The following SLCO1A2 variants were observed in gnomAD, a reference collection of about 807,000 sequenced individuals.
SLCO1A2 encodes the protein OATP-1.
SLCO1A2 carries 67 observed loss-of-function variants against 69.0 expected under a neutral mutation model. The ratio of observed to expected loss-of-function variants is 0.97; its 90% CI spans 0.80 to 1.19. The LOEUF is 1.19. SLCO1A2 is among the 50% of genes most tolerant of loss of function. SLCO1A2 has a pLI of 0.00. For missense variants in SLCO1A2, 787 were observed against 793.7 expected (o/e 0.99, Z 0.10); for synonymous variants, 260 against 265.9 (o/e 0.98, Z 0.22).
intron 1 of SLCO1A2, among the ~76,000 whole-genome samples, chr12:21,410,054 A>AC (rs1458769284): frequency 6.6e-6 from 1 of 152,052 alleles, no homozygotes; most frequent in Non-Finnish European, 1.5e-5. Context: ...TCCTTGGATC[A>AC]CCCCCTTGTT....
upstream of SLCO1A2, among the ~76,000 whole-genome samples, chr12:21,337,620 C>T (rs962642749): frequency 6.6e-6 from 1 of 151,864 alleles, no homozygotes. Context: ...GAGACAAGAA[C>T]AGCCTCTTGG....
chr12:21,383,371 C>T lies in SLCO1A2; in HGVS notation c.-189-8846G>A, dbSNP rs563377862. On this transcript the variant is annotated intron_variant, in intron 1 of 15. Coordinates refer to the SLCO1A2 transcript ENST00000307378. ...CCACATCCTATAGCTGGTCCCTTAACGTCCTCCCCATGGAATTTTGGTCTA... is the reference window on the plus strand; with the variant it reads ...CCACATCCTATAGCTGGTCCCTTAATGTCCTCCCCATGGAATTTTGGTCTA... Among the ~76,000 whole-genome samples the T allele has an allele frequency of 5.3e-5, 8 of 152,182 alleles. No individual in the cohort carries two copies. In the East Asian group the frequency reaches 5.8e-4, roughly 11 times the overall value.
At chr12:21,392,135 T>C (rs1036053698) in intron 1 of SLCO1A2, among the ~76,000 whole-genome samples, 2 of 152,206 alleles carry the variant, frequency 1.3e-5, no homozygotes, top group African/African-American at 4.8e-5. Flanking sequence ...TGGTCTGACA[T>C]CTGCAGTATC....
At position 21,334,702 on chromosome 12, in the gene SLCO1A2, CT is replaced by C; in HGVS notation, c.-56del. On this transcript the variant is annotated 5_prime_UTR_variant, in exon 2 of 15. Coordinates refer to ENST00000683939, the MANE Select transcript of SLCO1A2 (RefSeq NM_001386879.1). ...ATGTTTTAAATCTTGATATGTCTTA[CT>C]TCTACCCTTTCAAGCAAACAAAAAA... 1 of 1,419,210 alleles carries C rather than the reference CT, an allele frequency of 7.0e-7. No individual in the cohort carries two copies. Among genetic ancestry groups the C allele is most frequent in the African/African-American group, 1.5e-5 (1 of 68,962 alleles). The allele number at this position is 1,419,210 out of a possible 1,614,324, so 87.9% of individuals were successfully genotyped here. A position where few individuals can be genotyped will look rare whatever the true frequency, so the allele number is the denominator to read the frequency against.
At chr12:21,365,993 A>G (rs1313533972) in intron 2 of SLCO1A2, among the ~76,000 whole-genome samples, 1 of 152,246 alleles carries the variant, frequency 6.6e-6, no homozygotes, top group East Asian at 1.9e-4. Flanking sequence ...CAGTGGGGCA[A>G]TTCCTCAAGT....
intron 2 of SLCO1A2, among the ~76,000 whole-genome samples, chr12:21,368,916 G>A (rs1261435256): frequency 6.6e-6 from 1 of 152,028 alleles, no homozygotes; most frequent in Admixed American, 6.5e-5. Context: ...CATATAAAAT[G>A]TAAATTTAAT....
chr12:21,393,599 A>C (rs1451508897), intron 1 of SLCO1A2, among the ~76,000 whole-genome samples: 2 of 152,248 alleles, frequency 1.3e-5, no homozygotes, highest in South Asian at 2.1e-4. Flanking sequence ...AAAATTCTGC[A>C]ATAGACAATG....
chr12:21,393,709 T>C (rs1941276854), intron 1 of SLCO1A2, among the ~76,000 whole-genome samples: 1 of 152,186 alleles, frequency 6.6e-6, no homozygotes, highest in Non-Finnish European at 1.5e-5. Context: ...CTTTTTTCAA[T>C]CTAGATAAAA....
chr12:21,317,806 G>A (rs1951068353), intron 3 of SLCO1A2, among the ~76,000 whole-genome samples: 1 of 152,158 alleles, frequency 6.6e-6, no homozygotes, highest in Non-Finnish European at 1.5e-5. Context: ...TATAAAACTA[G>A]AAAGGAGTGA....
intron 1 of SLCO1A2, among the ~76,000 whole-genome samples, chr12:21,417,499 G>A (rs1041357279): frequency 2.7e-5 from 4 of 149,852 alleles, no homozygotes; most frequent in African/African-American, 4.9e-5. Context: ...GGCAATACCA[G>A]AAGAAATGAA....
chr12:21,377,951 C>T (rs1940322699), intron 1 of SLCO1A2, among the ~76,000 whole-genome samples: 1 of 151,908 alleles, frequency 6.6e-6, no homozygotes, highest in Admixed American at 6.6e-5. Flanking sequence ...GACAAAGACA[C>T]TGTTATTTTG....
At chr12:21,375,382 AG>A (rs1940117353) in intron 1 of SLCO1A2, among the ~76,000 whole-genome samples, 1 of 152,218 alleles carries the variant, frequency 6.6e-6, no homozygotes, top group Non-Finnish European at 1.5e-5. Context: ...CATATCTCAC[AG>A]AAAGCTAGGA....
At position 21,366,099 on chromosome 12, in the gene SLCO1A2, C is replaced by T. The variant is rs146111287; in HGVS notation, c.-63+8300G>A. ...ATGCTGCTATAAAGACACATGCATACGTATGTTTATTGCAGCACTATTCAC... is the reference window on the plus strand; with the variant it reads ...ATGCTGCTATAAAGACACATGCATATGTATGTTTATTGCAGCACTATTCAC... On this transcript the variant is annotated intron_variant, in intron 2 of 15. Coordinates refer to the SLCO1A2 transcript ENST00000307378. 3.2e-3 allele frequency among the ~76,000 whole-genome samples: 486 copies of T among 152,260 alleles called. 7 individuals carry two copies. In the East Asian group the frequency reaches 0.059, roughly 18 times the overall value.
At chr12:21,408,490 A>G (rs1941857945) in intron 1 of SLCO1A2, among the ~76,000 whole-genome samples, 1 of 152,058 alleles carries the variant, frequency 6.6e-6, no homozygotes, top group African/African-American at 2.4e-5. Context: ...ACCACACATA[A>G]TGTTGTACTT....
intron 2 of SLCO1A2, among the ~76,000 whole-genome samples, chr12:21,360,450 T>C (rs148469054): frequency 6.0e-4 from 92 of 152,328 alleles, no homozygotes; most frequent in African/African-American, 2.2e-3. Context: ...GATGGCCGAA[T>C]AGGAACAGCT....
chr12:21,352,942 T>A (rs946653603), intron 2 of SLCO1A2, among the ~76,000 whole-genome samples: 4 of 152,294 alleles, frequency 2.6e-5, no homozygotes, highest in South Asian at 4.1e-4. Context: ...GCACAAGTTA[T>A]TAAACTTTCG....
chr12:21,404,344 G>A (rs960975944), intron 1 of SLCO1A2, among the ~76,000 whole-genome samples: 11 of 152,090 alleles, frequency 7.2e-5, no homozygotes, highest in Non-Finnish European at 1.3e-4. Context: ...CGTCACCTAG[G>A]TATTAAGCCC....
At chr12:21,394,629 G>A (rs1367467791) in intron 1 of SLCO1A2, among the ~76,000 whole-genome samples, 1 of 151,624 alleles carries the variant, frequency 6.6e-6, no homozygotes, top group Admixed American at 6.6e-5. Flanking sequence ...GAGACATACT[G>A]CAGTTAGAGC....
At chr12:21,299,980 G>A (rs1948468139) in intron 8 of SLCO1A2, among the ~76,000 whole-genome samples, 1 of 146,568 alleles carries the variant, frequency 6.8e-6, no homozygotes, top group South Asian at 2.2e-4. Flanking sequence ...ATATATATGT[G>A]TATATATGTG....
Sources: allele counts gnomAD v4.1 joint callset (sites outside exome capture counted in the v4.1 genomes callset), GRCh38; gene constraint gnomAD v4.1.1; transcripts MANE v1.5; gene names NCBI Gene and HGNC (gene_info 2026-07-23, HGNC 2026-07-21).